Variants in SKIC3 observed in about 807,000 individuals in gnomAD.
SKIC3 encodes SKI3 subunit of superkiller complex.
chr5:95,539,819 G>A, the SKIC3 span, among the ~76,000 whole-genome samples: 1 of 141,268 alleles, frequency 7.1e-6, no homozygotes, highest in Non-Finnish European at 1.5e-5. Flanking sequence ...ACTCCAGCCT[G>A]GGCAACAGAG....
the SKIC3 span, chr5:95,464,707 T>C: frequency 6.3e-7 from 1 of 1,586,424 alleles, no homozygotes; most frequent in Non-Finnish European, 8.7e-7. Flanking sequence ...TACAGGAACG[T>C]CAGTATTTTG....
chr5:95,523,736 A>G, the SKIC3 span: 39 of 1,613,616 alleles, frequency 2.4e-5, no homozygotes, highest in African/African-American at 1.3e-5. Flanking sequence ...AGGCTTTCCT[A>G]TAACATCCAC....
At chr5:95,514,793 T>C in the SKIC3 span, 283 of 1,529,118 alleles carry the variant, frequency 1.9e-4, 1 homozygote, top group African/African-American at 2.3e-3. Context: ...ATCACTGTTA[T>C]GCATATTAGT....
chr5:95,492,027 C>A, the SKIC3 span, among the ~76,000 whole-genome samples: 1 of 152,014 alleles, frequency 6.6e-6, no homozygotes, highest in Non-Finnish European at 1.5e-5. Flanking sequence ...AGTATTATTG[C>A]TAAAAGTACA....
chr5:95,493,589 A>G, the SKIC3 span, among the ~76,000 whole-genome samples: 10 of 152,270 alleles, frequency 6.6e-5, no homozygotes, highest in East Asian at 1.2e-3. Flanking sequence ...GAAAAGATAA[A>G]CAACAGAATA....
chr5:95,520,719 G>C, the SKIC3 span: 5 of 1,606,774 alleles, frequency 3.1e-6, no homozygotes, highest in Non-Finnish European at 4.3e-6. Flanking sequence ...TACGAACCAA[G>C]TAAAATATTC....
the SKIC3 span, chr5:95,543,162 G>T: frequency 1.3e-6 from 2 of 1,550,568 alleles, no homozygotes; most frequent in Admixed American, 1.7e-5. Flanking sequence ...CCATAATACA[G>T]AAAAAAAAAA....
chr5:95,472,286 GA>G, the SKIC3 span, among the ~76,000 whole-genome samples: 1 of 152,070 alleles, frequency 6.6e-6, no homozygotes, highest in Admixed American at 6.6e-5. Flanking sequence ...ATAGCACAAG[GA>G]GATACTCCTG....
At chr5:95,512,518 T>C in the SKIC3 span, 1 of 1,614,050 alleles carries the variant, frequency 6.2e-7, no homozygotes, top group Admixed American at 1.7e-5. Context: ...TGGAATAGCA[T>C]TCATCTGGAG....
chr5:95,522,424 T>A, the SKIC3 span: 2 of 1,257,112 alleles, frequency 1.6e-6, no homozygotes, highest in Non-Finnish European at 1.1e-6. Flanking sequence ...CTTCTACTTA[T>A]AAAAGTGCTA....
the SKIC3 span, among the ~76,000 whole-genome samples, chr5:95,472,339 G>A: frequency 1.3e-5 from 2 of 152,194 alleles, no homozygotes; most frequent in Admixed American, 6.5e-5. Flanking sequence ...TTCTCTCCCA[G>A]AAACATGGGA....
the SKIC3 span, among the ~76,000 whole-genome samples, chr5:95,525,172 C>T: frequency 3.9e-5 from 6 of 152,084 alleles, no homozygotes; most frequent in African/African-American, 1.2e-4. Context: ...TGTGAGCCAC[C>T]ACGCCCGGCC....
At chr5:95,520,360 A>C in the SKIC3 span, among the ~76,000 whole-genome samples, 1 of 151,338 alleles carries the variant, frequency 6.6e-6, no homozygotes, top group Non-Finnish European at 1.5e-5. Context: ...TGAGCACCTG[A>C]AGCCCTATTT....
the SKIC3 span, among the ~76,000 whole-genome samples, chr5:95,476,730 AC>A: frequency 6.6e-6 from 1 of 152,178 alleles, no homozygotes; most frequent in Non-Finnish European, 1.5e-5. Flanking sequence ...CAGAACCAGA[AC>A]ATGGGCTCTT....
At chr5:95,547,903 G>T in the SKIC3 span, among the ~76,000 whole-genome samples, 3 of 151,966 alleles carry the variant, frequency 2.0e-5, no homozygotes, top group African/African-American at 7.2e-5. Flanking sequence ...ATTACTGTAG[G>T]TTTATTACCT....
At chr5:95,517,102 T>C in the SKIC3 span, 2 of 1,613,536 alleles carry the variant, frequency 1.2e-6, no homozygotes, top group African/African-American at 2.7e-5. Flanking sequence ...TACAATGCCT[T>C]AATTCAATTC....
chr5:95,492,036 C>T, the SKIC3 span, among the ~76,000 whole-genome samples: 3 of 152,102 alleles, frequency 2.0e-5, no homozygotes, highest in Non-Finnish European at 4.4e-5. Flanking sequence ...GCTAAAAGTA[C>T]AAAAATCAAC....
the SKIC3 span, chr5:95,537,206 A>T: frequency 7.5e-7 from 1 of 1,340,114 alleles, no homozygotes; most frequent in Non-Finnish European, 1.1e-6. Context: ...AATGTATAAG[A>T]CTCTCTTACA....
the SKIC3 span, among the ~76,000 whole-genome samples, chr5:95,549,617 G>T: frequency 6.6e-6 from 1 of 151,798 alleles, no homozygotes; most frequent in East Asian, 1.9e-4. Context: ...AACACAATAC[G>T]CTAGCACTGA....
Sources: allele counts gnomAD v4.1 joint callset (sites outside exome capture counted in the v4.1 genomes callset), GRCh38; gene constraint gnomAD v4.1.1; transcripts MANE v1.5; gene names NCBI Gene and HGNC (gene_info 2026-07-23, HGNC 2026-07-21).